The following SF3B1 variants were observed in gnomAD, a reference collection of about 807,000 sequenced individuals.
The protein encoded by SF3B1 is splicing factor 3b subunit 1, also known as pre-mRNA processing 10.
Under a neutral mutation model 153.8 loss-of-function variants are expected in SF3B1, and 12 were observed. The observed-to-expected ratio is 0.08, with a 90% CI of 0.05 to 0.13. The LOEUF (loss-of-function observed/expected upper bound fraction) is 0.13, where lower values mean the gene tolerates loss of function less well. Ranked by LOEUF, SF3B1 falls within the 10% of genes least tolerant of loss-of-function variation. The pLI is 1.00. For missense variants in SF3B1, 513 were observed against 1,606.1 expected, an observed-to-expected ratio of 0.32 and a Z score of 11.63; for synonymous variants, 498 against 525.2, an observed-to-expected ratio of 0.95 and a Z score of 0.71.
At chr2:197,407,845 C>T (rs2085014862) in intron 9 of SF3B1, 153 bp downstream of exon 9, 2 of 621,504 alleles carry the variant, frequency 3.2e-6, no homozygotes, top group Admixed American at 3.0e-5. Context: ...CTTTTCATCT[C>T]TATATGGAAC....
At chr2:197,407,537 G>A (rs760321451) in intron 9 of SF3B1, among the ~76,000 whole-genome samples, 3 of 151,582 alleles carry the variant, frequency 2.0e-5, no homozygotes, top group Non-Finnish European at 4.4e-5. Context: ...CCTGGGAGGC[G>A]GAGGTTGCAA....
chr2:197,400,044 A>G lies in SF3B1; in HGVS notation c.3013+11T>C, dbSNP rs375675862. The G allele has an allele frequency of 2.3e-5, 35 of 1,527,650 alleles. No individual in the cohort carries two copies. The highest frequency in any genetic ancestry group is 3.1e-5 in the Non-Finnish European group (35 of 1,111,176). The allele number at this position is 1,527,650 out of a possible 1,614,324, so 94.6% of individuals were successfully genotyped here. A position where few individuals can be genotyped will look rare whatever the true frequency, so the allele number is the denominator to read the frequency against. On this transcript the variant is annotated intron_variant, in intron 20 of 24. Coordinates refer to ENST00000335508, the MANE Select transcript of SF3B1 (RefSeq NM_012433.4). This position sits in a 1 kb window ranked among gnomAD's most constrained non-coding sequence, Gnocchi z 5.0. ...CAAGAAAAAGTCTTATGTAACCAGC[A>G]AATTCCATACCTATGACATTTACAA...
At chr2:197,398,772 T>TA (rs2084904452) in intron 20 of SF3B1, 191 bp from the exon 21 acceptor site, 2 of 587,004 alleles carry the variant, frequency 3.4e-6, no homozygotes, top group Non-Finnish European at 6.0e-6. Flanking sequence ...TGATTATGTA[T>TA]AGAAATGAAA....
In SF3B1 at chr2:197,409,856, G is replaced by T; in HGVS notation, c.818C>A (p.Thr273Lys). 1.9e-6 allele frequency: 3 copies of T among 1,614,136 alleles called. No individual in the cohort carries two copies. The highest frequency in any genetic ancestry group is 2.5e-6 in the Non-Finnish European group (3 of 1,180,026). Residue 273 changes from threonine (T) to lysine (K), a missense_variant, in exon 7 of 25, where the codon ACA becomes AAA. Transcript: ENST00000335508. ...AGAATPGRGDTPGHATPGHGG... is the reference protein window; with the variant it reads ...AGAATPGRGDKPGHATPGHGG... The stretch of plus-strand genomic sequence containing the variant: ...ATGGCCTGGTGTCGCATGGCCTGGT[G>T]TATCACCTCGTCCAGGAGTAGCAGC...
intron 6 of SF3B1, among the ~76,000 whole-genome samples, chr2:197,414,392 A>G (rs1327050110): frequency 6.6e-6 from 1 of 152,206 alleles, no homozygotes; most frequent in African/African-American, 2.4e-5. Flanking sequence ...CAAAAGACTC[A>G]GCACTACTAT....
intron 1 of SF3B1, among the ~76,000 whole-genome samples, chr2:197,434,184 C>A (rs1281935394): frequency 2.0e-5 from 3 of 152,230 alleles, no homozygotes; most frequent in African/African-American, 7.2e-5. Context: ...GTTCCAACTT[C>A]TCATGCCTCG....
At chr2:197,399,959 A>G in intron 20 of SF3B1, 96 bp downstream of exon 20, 1 of 825,946 alleles carries the variant, frequency 1.2e-6, no homozygotes, top group Non-Finnish European at 1.9e-6. Flanking sequence ...GCTAACAAAA[A>G]CCTCCCAACT....
intron 6 of SF3B1, among the ~76,000 whole-genome samples, chr2:197,412,970 CAAAAA>C (rs779446735): frequency 1.1e-4 from 5 of 45,512 alleles, no homozygotes; most frequent in African/African-American, 3.3e-4. Context: ...ACTGTTGTCT[CAAAAA>C]AAAAAAAAAA....
At chr2:197,425,952 T>C (rs925654510) in intron 1 of SF3B1, among the ~76,000 whole-genome samples, 7 of 151,076 alleles carry the variant, frequency 4.6e-5, no homozygotes, top group Non-Finnish European at 7.4e-5. Flanking sequence ...TAAGCCACGA[T>C]TGCTGCCACT....
chr2:197,435,035 C>T, upstream of SF3B1: 1 of 1,614,204 alleles, frequency 6.2e-7, no homozygotes, highest in Non-Finnish European at 8.5e-7. Context: ...AACTGGCGCT[C>T]CCAAGAACTT....
chr2:197,391,052 A>C lies in SF3B1; in HGVS notation c.*1251T>G, dbSNP rs2084805450. ...AAGTACTACCACATGGAGACAAAACAAAACAGTAAAAATAGTATAGGTAGT... is the reference window on the plus strand; with the variant it reads ...AAGTACTACCACATGGAGACAAAACCAAACAGTAAAAATAGTATAGGTAGT... On this transcript the variant is annotated 3_prime_UTR_variant, in exon 25 of 25. Coordinates refer to ENST00000335508, the MANE Select transcript of SF3B1 (RefSeq NM_012433.4). The C allele has an allele frequency of 6.6e-6, 1 of 152,226 alleles. No individual in the cohort carries two copies. Among genetic ancestry groups the C allele is most frequent in the Non-Finnish European group, 1.5e-5 (1 of 68,036 alleles). The allele number at this position is 152,226 out of a possible 1,614,324, so 9.4% of individuals were successfully genotyped here.
At chr2:197,421,934 TC>T (rs1411102660) in intron 2 of SF3B1, among the ~76,000 whole-genome samples, 1 of 152,152 alleles carries the variant, frequency 6.6e-6, no homozygotes, top group Non-Finnish European at 1.5e-5. Flanking sequence ...TGAGGCATGA[TC>T]TGGCCACTGC....
chr2:197,393,698 G>A lies in SF3B1; in HGVS notation c.3540-510C>T, dbSNP rs112630981. On this transcript the variant is annotated intron_variant, in intron 23 of 24. Transcript: ENST00000335508. ...GATCTCTTGACCTTGTGATCTGCCC[G>A]CCTCAGCCTCCCAAAGTACAGGGAT... is the stretch of plus-strand genomic sequence containing the variant. 4.3e-4 allele frequency among the ~76,000 whole-genome samples: 66 copies of A among 151,964 alleles called. 2 individuals carry two copies. The highest frequency in any genetic ancestry group is 1.5e-3 in the African/African-American group (61 of 41,458).
intron 1 of SF3B1, among the ~76,000 whole-genome samples, chr2:197,428,785 C>A (rs945264331): frequency 1.3e-5 from 2 of 152,052 alleles, no homozygotes; most frequent in Non-Finnish European, 2.9e-5. Context: ...ATCCCAGCTA[C>A]TTGGAAGGCT....
intron 1 of SF3B1, among the ~76,000 whole-genome samples, chr2:197,426,860 C>A (rs2085344699): frequency 6.6e-6 from 1 of 152,002 alleles, no homozygotes. Context: ...CTACCTCATA[C>A]ACAACTAAAA....
At chr2:197,425,961 C>T (rs2085330015) in intron 1 of SF3B1, among the ~76,000 whole-genome samples, 1 of 151,398 alleles carries the variant, frequency 6.6e-6, no homozygotes, top group South Asian at 2.1e-4. Flanking sequence ...ATTGCTGCCA[C>T]TGCACTCCAG....
At chr2:197,426,656 T>C (rs1032662099) in intron 1 of SF3B1, among the ~76,000 whole-genome samples, 7 of 152,156 alleles carry the variant, frequency 4.6e-5, no homozygotes, top group African/African-American at 1.7e-4. Context: ...CTGGTGCACC[T>C]GTTACAAAGG....
chr2:197,406,659 A>G (rs994476336), intron 9 of SF3B1, among the ~76,000 whole-genome samples: 1 of 152,252 alleles, frequency 6.6e-6, no homozygotes, highest in African/African-American at 2.4e-5. Context: ...ACATGCAGGC[A>G]GTCAACAGTA....
chr2:197,414,668 A>G (rs1382133379), intron 6 of SF3B1, among the ~76,000 whole-genome samples: 1 of 152,232 alleles, frequency 6.6e-6, no homozygotes, highest in Non-Finnish European at 1.5e-5. Flanking sequence ...AAAAGACTAG[A>G]AATTACATAA....
Sources: gnomAD v4.1 joint callset for allele counts (sites outside exome capture counted in the v4.1 genomes callset) on GRCh38, gnomAD v4.1.1 for gene constraint, Gnocchi (gnomAD v3.1) non-coding constraint, MANE v1.5 for transcripts, NCBI Gene and HGNC (gene_info 2026-07-23, HGNC 2026-07-21) for gene names.